Variants in RSU1 observed in about 807,000 individuals in gnomAD.
The protein encoded by RSU1 is rsu-1.
RSU1 carries 26 observed loss-of-function variants against 31.1 expected under a neutral mutation model. The observed-to-expected ratio is 0.84, with a 90% confidence interval of 0.61 to 1.16. The LOEUF (loss-of-function observed/expected upper bound fraction) is 1.16, where lower values mean the gene tolerates loss of function less well. RSU1 is among the 50% of genes most tolerant of loss of function. The pLI is 0.00. For missense variants in RSU1, 320 were observed against 339.1 expected, an observed-to-expected ratio of 0.94 and a Z score of 0.44; for synonymous variants, 164 against 136.3, an observed-to-expected ratio of 1.20 and a Z score of -1.41.
At chr10:16,730,981 G>A (rs1453404204) in intron 7 of RSU1, among the ~76,000 whole-genome samples, 13 of 151,862 alleles carry the variant, frequency 8.6e-5, no homozygotes, top group Non-Finnish European at 2.9e-5. Context: ...CCGCCACCAC[G>A]CCCAGCTTAT....
At chr10:16,697,595 C>T (rs1014542787) in intron 7 of RSU1, among the ~76,000 whole-genome samples, 12 of 150,360 alleles carry the variant, frequency 8.0e-5, no homozygotes, top group African/African-American at 2.7e-4. Context: ...ACCTGGGAGG[C>T]GGAGGTTGCA....
intron 7 of RSU1, among the ~76,000 whole-genome samples, chr10:16,708,690 T>C (rs957957818): frequency 3.9e-5 from 6 of 152,150 alleles, no homozygotes; most frequent in Non-Finnish European, 5.9e-5. Context: ...ATCTTAACTA[T>C]ATTAATTCTT....
intron 4 of RSU1, among the ~76,000 whole-genome samples, chr10:16,755,219 C>A (rs1837059457): frequency 6.6e-6 from 1 of 152,066 alleles, no homozygotes; most frequent in Admixed American, 6.6e-5. Flanking sequence ...CCTCCCCAGG[C>A]TCAAGCGATC....
intron 8 of RSU1, among the ~76,000 whole-genome samples, chr10:16,615,671 G>A (rs140329627): frequency 1.6e-4 from 24 of 151,576 alleles, no homozygotes; most frequent in African/African-American, 3.4e-4. Context: ...GAATGAAATC[G>A]TAACAGTCTG....
At chr10:16,685,277 T>C (rs983016133) in intron 8 of RSU1, among the ~76,000 whole-genome samples, 1 of 152,106 alleles carries the variant, frequency 6.6e-6, no homozygotes, top group African/African-American at 2.4e-5. Context: ...AATAAGATTA[T>C]TTAAAAATGA....
intron 8 of RSU1, among the ~76,000 whole-genome samples, chr10:16,656,645 C>G (rs1301225406): frequency 6.6e-6 from 1 of 152,178 alleles, no homozygotes; most frequent in Non-Finnish European, 1.5e-5. Context: ...CAAGTATGCA[C>G]AAGCATATGC....
intron 5 of RSU1, among the ~76,000 whole-genome samples, chr10:16,753,353 A>C (rs988944347): frequency 5.3e-5 from 8 of 152,240 alleles, no homozygotes; most frequent in Admixed American, 5.2e-4. Flanking sequence ...AAGTAAAACA[A>C]AGAACACTAC....
intron 8 of RSU1, among the ~76,000 whole-genome samples, chr10:16,623,229 T>C (rs1834101084): frequency 6.6e-6 from 1 of 152,178 alleles, no homozygotes; most frequent in African/African-American, 2.4e-5. Context: ...TGGTTGCCAT[T>C]TTTTTGTCCA....
At chr10:16,752,439 G>A (rs1398869202) in intron 7 of RSU1, 100 bp downstream of exon 7, 8 of 811,990 alleles carry the variant, frequency 9.9e-6, no homozygotes, top group African/African-American at 8.5e-5. Flanking sequence ...TAGGTGGAGA[G>A]TAGTTGCCAA....
At chr10:16,816,812 C>CCTA (rs1838543298) in intron 2 of RSU1, among the ~76,000 whole-genome samples, 161 bp downstream of exon 2, 1 of 152,206 alleles carries the variant, frequency 6.6e-6, no homozygotes, top group Admixed American at 6.5e-5. Context: ...CAGAACAAAT[C>CCTA]CTACTGCAAA....
At chr10:16,621,977 CATT>C (rs1564288900) in intron 8 of RSU1, among the ~76,000 whole-genome samples, 1 of 152,128 alleles carries the variant, frequency 6.6e-6, no homozygotes, top group East Asian at 1.9e-4. Context: ...AAAGGAAAAA[CATT>C]ATAACAATAC....
chr10:16,800,106 C>G (rs77873508), intron 2 of RSU1, among the ~76,000 whole-genome samples: 2,622 of 152,134 alleles, frequency 0.017, 38 homozygotes, highest in Middle Eastern at 0.066. Flanking sequence ...CCTCTGACAC[C>G]CAAAGCTACA....
chr10:16,782,085 C>G lies in RSU1; in HGVS notation c.110-1G>C. ...AGTTGTGTGATATGGGATAAGGTAACTAAAAAGAAAAGAAAAAAAAAAAGG... is the reference window on the plus strand; with the variant it reads ...AGTTGTGTGATATGGGATAAGGTAAGTAAAAAGAAAAGAAAAAAAAAAAGG... On this transcript the variant is annotated splice_acceptor_variant, in intron 2 of 8. Coordinates refer to ENST00000345264, the MANE Select transcript of RSU1 (RefSeq NM_012425.4). LOFTEE classifies it high-confidence loss of function. 3 of 1,591,602 alleles carry G rather than the reference C, an allele frequency of 1.9e-6. No individual in the cohort carries two copies. The highest frequency in any genetic ancestry group is 1.7e-6 in the Non-Finnish European group (2 of 1,170,692).
chr10:16,784,087 A>AT (rs60014651), intron 2 of RSU1, among the ~76,000 whole-genome samples: 31,372 of 146,384 alleles, frequency 0.21, 3,376 homozygotes, highest in Middle Eastern at 0.27. Flanking sequence ...TCTATGTACA[A>AT]TTTTTTTTTT....
At chr10:16,712,381 T>A (rs552331454) in intron 7 of RSU1, among the ~76,000 whole-genome samples, 1 of 152,252 alleles carries the variant, frequency 6.6e-6, no homozygotes, top group South Asian at 2.1e-4. Flanking sequence ...TTTCTGCTTG[T>A]TTTGTAGATC....
At chr10:16,756,616 A>C (rs1032615130) in intron 4 of RSU1, among the ~76,000 whole-genome samples, 5 of 152,268 alleles carry the variant, frequency 3.3e-5, no homozygotes, top group Admixed American at 3.3e-4. Context: ...AAGAATGCAG[A>C]ATAGAATACA....
chr10:16,696,093 G>A (rs1835669033), intron 7 of RSU1, among the ~76,000 whole-genome samples: 1 of 152,170 alleles, frequency 6.6e-6, no homozygotes. Flanking sequence ...AGCAGAGAAA[G>A]AGAAGTTAGG....
At chr10:16,701,955 A>C (rs1398317245) in intron 7 of RSU1, among the ~76,000 whole-genome samples, 1 of 152,238 alleles carries the variant, frequency 6.6e-6, no homozygotes, top group Admixed American at 6.5e-5. Context: ...TTATGTTTTA[A>C]ACCTGGCATT....
chr10:16,794,680 T>C (rs1837990577), intron 2 of RSU1, among the ~76,000 whole-genome samples: 1 of 152,134 alleles, frequency 6.6e-6, no homozygotes, highest in South Asian at 2.1e-4. Context: ...CAGAACAGAG[T>C]ACAATCAAGG....
Sources: gnomAD v4.1 joint callset for allele counts (sites outside exome capture counted in the v4.1 genomes callset) on GRCh38, gnomAD v4.1.1 for gene constraint, MANE v1.5 for transcripts, NCBI Gene and HGNC (gene_info 2026-07-23, HGNC 2026-07-21) for gene names.